Variants in LTBP3 observed in about 807,000 individuals in gnomAD.
LTBP3 encodes the protein latent transforming growth factor beta binding protein 3, also known as latent-transforming growth factor beta-binding protein 3.
A neutral mutation model predicts 159.7 loss-of-function variants in LTBP3; 97 were observed. The ratio of observed to expected loss-of-function variants is 0.61; its 90% CI spans 0.52 to 0.72. The LOEUF (loss-of-function observed/expected upper bound fraction) is 0.72. Ranked by LOEUF, LTBP3 falls within the 30% of genes least tolerant of loss-of-function variation. LTBP3 has a pLI of 0.00. For missense variants in LTBP3, 1,584 were observed against 1,864.3 expected (o/e 0.85, Z 2.77); for synonymous variants, 824 against 777.1 (o/e 1.06, Z -1.00).
In LTBP3 at chr11:65,553,617, C is replaced by T; in HGVS notation, c.864+84G>A. ...TTGGGCCTTTTCCTCTTCCCCCGCC[C>T]CTCAGTTTTCTGCTATCCGAGTGAG... is the stretch of plus-strand genomic sequence containing the variant. On this transcript the variant is annotated intron_variant, in intron 3 of 27. Transcript: ENST00000301873. The surrounding 1 kb of genome is among the most constrained non-coding windows in gnomAD (Gnocchi z 6.5). The T allele has an allele frequency of 6.6e-7, 1 of 1,513,850 alleles. No homozygotes were observed. The highest frequency in any genetic ancestry group is 9.0e-7 in the Non-Finnish European group (1 of 1,115,080). The allele number at this position is 1,513,850 out of a possible 1,614,324, so 93.8% of individuals were successfully genotyped here. A position where few individuals can be genotyped will look rare whatever the true frequency, so the allele number is the denominator to read the frequency against.
Position 65,552,050 on chromosome 11 carries a change from C to G in LTBP3, c.1453G>C (p.Asp485His). The G allele has an allele frequency of 6.2e-7, 1 of 1,614,046 alleles. No individual in the cohort carries two copies. The highest frequency in any genetic ancestry group is 8.5e-7 in the Non-Finnish European group (1 of 1,180,000). Residue 485 changes from aspartate (D) to histidine (H), a missense_variant, in exon 8 of 28, where the codon GAC becomes CAC. By Grantham distance (81) the Asp-to-His change is moderately conservative. Coordinates refer to ENST00000301873, the MANE Select transcript of LTBP3 (RefSeq NM_001130144.3). This position sits in a 1 kb window ranked among gnomAD's most constrained non-coding sequence, Gnocchi z 6.0. Reference sequence around the variant, plus strand: ...AGCTGCTGGGGCTTGGGTGGCCCGTCAGGGTGCAGGAAAAGGGAAAAGTCA... The same window carrying G: ...AGCTGCTGGGGCTTGGGTGGCCCGTGAGGGTGCAGGAAAAGGGAAAAGTCA... ...ESDFSLFLHP[D>H]GPPKPQQLPE... is the part of the protein sequence containing the mutation.
rs142851919 is a variant in LTBP3, at chr11:65,543,036, CCA to C, written c.2596+67_2596+68del. The C allele has an allele frequency of 7.2e-3, 11,572 of 1,602,200 alleles. 771 individuals are homozygous for C. The African/African-American group carries it at 0.13, about 19-fold the overall frequency. On this transcript the variant is annotated intron_variant, in intron 18 of 27. Transcript: ENST00000301873. ...GGGTGGATGGATGGATGGAGAAAGGCCACAGTGTGTCTAGGGAATTACTGCTC... is the reference window on the plus strand; with the variant it reads ...GGGTGGATGGATGGATGGAGAAAGGCCAGTGTGTCTAGGGAATTACTGCTC...
intron 16 of LTBP3, chr11:65,543,818 C>T (rs1164257133): frequency 7.8e-6 from 4 of 515,804 alleles, no homozygotes; most frequent in Non-Finnish European, 1.4e-5. Context: ...CTGCTGCTCC[C>T]ACCCTTCCCT....
At chr11:65,545,630 C>T (rs1856331413) in intron 16 of LTBP3, 2 of 230,098 alleles carry the variant, frequency 8.7e-6, no homozygotes, top group Non-Finnish European at 1.7e-5. Flanking sequence ...CCATCCTGAG[C>T]CCACCACTCA....
Position 65,540,027 on chromosome 11 carries a change from G to T in LTBP3, c.3371C>A (p.Pro1124His). 6.6e-7 allele frequency: 1 copy of T among 1,511,878 alleles called. No individual in the cohort carries two copies. The highest frequency in any genetic ancestry group is 1.2e-5 in the South Asian group (1 of 81,542). The allele number at this position is 1,511,878 out of a possible 1,614,324, so 93.7% of individuals were successfully genotyped here. The change falls in exon 24 of 28, where the codon CCC becomes CAC. Residue 1124 changes from proline (P) to histidine (H), a missense_variant. By Grantham distance (77) the Pro-to-His change is moderately conservative. Around this residue, in one of 6 missense-constraint regions of LTBP3, gnomAD observed 514 missense variants for 530.3 expected, o/e 0.97. Transcript: ENST00000301873. ...PGPSGRDCQL[P>H]ESPAERAPER... ...CTCGCCCTCACCGGCCGGGCTCTCG[G>T]GGAGCTGGCAATCGCGGCCGGAGGG...
chr11:65,553,724 G>C lies in LTBP3; in HGVS notation c.841C>G (p.Gln281Glu). Residue 281 changes from glutamine to glutamate, a missense_variant, in exon 3 of 28, where the codon CAG (glutamine) becomes GAG (glutamate). By Grantham distance (29) the Gln-to-Glu change is conservative. Transcript: ENST00000301873. The surrounding 1 kb of genome is among the most constrained non-coding windows in gnomAD (Gnocchi z 6.5). ...PTQKPLGRCFQDTLPKQPCGS... is the reference protein window; with the variant it reads ...PTQKPLGRCFEDTLPKQPCGS... ...ACCGGCTGCTTGGGCAGAGTGTCCT[G>C]AAAGCAGCGGCCCAGGGGCTTCTGG... The C allele has an allele frequency of 1.9e-6, 3 of 1,578,920 alleles. No homozygotes were observed. Among genetic ancestry groups the C allele is most frequent in the Non-Finnish European group, 2.6e-6 (3 of 1,170,240 alleles).
Position 65,551,845 on chromosome 11 carries a change from G to A in LTBP3, c.1531+127C>T, listed in dbSNP as rs1856624443. 1.6e-5 allele frequency: 18 copies of A among 1,155,496 alleles called. No individual in the cohort carries two copies. In the South Asian group the frequency reaches 2.2e-4, roughly 14 times the overall value. 71.6% of individuals were successfully genotyped at this position (1,155,496 alleles called of 1,614,324 possible). On this transcript the variant is annotated intron_variant, in intron 8 of 27. Coordinates refer to ENST00000301873, the MANE Select transcript of LTBP3 (RefSeq NM_001130144.3). ...CAGGGGTCAGAGGGTCAGGTGGGAG[G>A]TCAGTGGATGGGTCAGGGATAAGGA... is the stretch of plus-strand genomic sequence containing the variant.
At chr11:65,551,909 G>T in intron 8 of LTBP3, 63 bp downstream of exon 8, 2 of 1,549,822 alleles carry the variant, frequency 1.3e-6, no homozygotes, top group Non-Finnish European at 1.8e-6. Flanking sequence ...TGTGGATCAC[G>T]GGTCAAGGGG....
In LTBP3 at chr11:65,548,028, G is replaced by A; in HGVS notation, c.1738C>T (p.Leu580=). The change falls in exon 12 of 28, where the codon CTG becomes TTG. Residue 580 remains leucine, a synonymous_variant. Coordinates refer to ENST00000301873, the MANE Select transcript of LTBP3 (RefSeq NM_001130144.3). ...CCGTGGCCACAGATGTTCTGGTTCAGTCGGCACTCATCAGTCTCTGCGGGC... is the reference window on the plus strand; with the variant it reads ...CCGTGGCCACAGATGTTCTGGTTCAATCGGCACTCATCAGTCTCTGCGGGC... ...TQVTETDECR[L]NQNICGHGEC... 1 of 1,613,910 alleles carries A rather than the reference G, an allele frequency of 6.2e-7. No homozygotes were observed. The highest frequency in any genetic ancestry group is 1.3e-5 in the African/African-American group (1 of 74,994).
chr11:65,551,139 G>T lies in LTBP3; in HGVS notation c.1707C>A (p.Pro569=). The change falls in exon 11 of 28, where the codon CCC becomes CCA. Residue 569 remains proline (P), a synonymous_variant. Transcript: ENST00000301873. ...PPSRSAVEIA[P]TQVTETDECR... ...GGCGGGCCTTACCTGTGACCTGAGTGGGAGCGATCTCTACGGCGCTGCGGG... is the reference window on the plus strand; with the variant it reads ...GGCGGGCCTTACCTGTGACCTGAGTTGGAGCGATCTCTACGGCGCTGCGGG... 1 of 1,553,636 alleles carries T rather than the reference G, an allele frequency of 6.4e-7. No homozygotes were observed.
chr11:65,540,717 A>AGGAGGGGCGGGGCCTACC, intron 21 of LTBP3, 103 bp from the exon 22 acceptor site: 5 of 1,460,198 alleles, frequency 3.4e-6, no homozygotes, highest in Non-Finnish European at 3.8e-6. Context: ...CGGGGCCTAC[A>AGGAGGGGCGGGGCCTACC]GGAGGGGCGG....
At position 65,541,121 on chromosome 11, in the gene LTBP3, C is replaced by T; in HGVS notation, c.2893+5G>A. The T allele has an allele frequency of 6.2e-7, 1 of 1,612,324 alleles. No homozygotes were observed. The highest frequency in any genetic ancestry group is 8.5e-7 in the Non-Finnish European group (1 of 1,179,572). On this transcript the variant is annotated splice_donor_5th_base_variant and intron_variant, in intron 20 of 27. Transcript: ENST00000301873. ...ATCTGGGAAGGGGCCTGCCCGGCTC[C>T]TGACCTGAGCTGTAGACTGGGCAGG...
Position 65,546,495 on chromosome 11 carries a change from C to T in LTBP3, c.2300G>A (p.Arg767His). ...CGCGTAGCCCTGGGCACAGGTGCAGCGGAAGGAGCCCGGGAGGTTCTCGCA... is the reference window on the plus strand; with the variant it reads ...CGCGTAGCCCTGGGCACAGGTGCAGTGGAAGGAGCCCGGGAGGTTCTCGCA... ...GWCENLPGSF[R>H]CTCAQGYAPA... Residue 767 changes from arginine (R) to histidine (H), a missense_variant, in exon 16 of 28, where the codon CGC becomes CAC. Arg to His is a conservative substitution (Grantham distance 29). Coordinates refer to ENST00000301873, the MANE Select transcript of LTBP3 (RefSeq NM_001130144.3). The surrounding 1 kb of genome is among the most constrained non-coding windows in gnomAD (Gnocchi z 4.0). 4 of 1,597,276 alleles carry T rather than the reference C, an allele frequency of 2.5e-6. No homozygotes were observed. The highest frequency in any genetic ancestry group is 2.2e-5 in the East Asian group (1 of 44,720).
At position 65,552,509 on chromosome 11, in the gene LTBP3, G is replaced by T; in HGVS notation, c.1187-103C>A. ...TGCCTCTCCGGCCCAGACAACCCTT[G>T]ATCCCCCATGTGGTCTCTGACCCCA... is the stretch of plus-strand genomic sequence containing the variant. On this transcript the variant is annotated intron_variant, in intron 6 of 27. Transcript: ENST00000301873. This position sits in a 1 kb window ranked among gnomAD's most constrained non-coding sequence, Gnocchi z 6.0. 1.4e-6 allele frequency: 2 copies of T among 1,431,708 alleles called. No homozygotes were observed. The highest frequency in any genetic ancestry group is 1.9e-6 in the Non-Finnish European group (2 of 1,043,896). 88.7% of individuals were successfully genotyped at this position (1,431,708 alleles called of 1,614,324 possible). A position where few individuals can be genotyped will look rare whatever the true frequency, so the allele number is the denominator to read the frequency against.
chr11:65,557,885 C>T lies in LTBP3; in HGVS notation c.75G>A (p.Ala25=), dbSNP rs1856865847. 7.7e-7 allele frequency: 1 copy of T among 1,303,372 alleles called. No individual in the cohort carries two copies. The highest frequency in any genetic ancestry group is 9.8e-7 in the Non-Finnish European group (1 of 1,016,440). 80.7% of individuals were successfully genotyped at this position (1,303,372 alleles called of 1,614,324 possible). Residue 25 remains alanine, a synonymous_variant, in exon 1 of 28, where the codon GCG becomes GCA. Transcript: ENST00000301873. The part of the protein sequence containing the change: ...MRGAGAAGLL[A]LLLLLLLLLL... ...GCAGCAGCAGCAGCAGCAGCAGCAG[C>T]GCCAGCAGCCCCGCCGCCCCCGCCC... is the stretch of plus-strand genomic sequence containing the variant.
chr11:65,546,957 G>A lies in LTBP3; in HGVS notation c.2108-37C>T, dbSNP rs776095641. ...GGAGAAGGAAGAGGACCCATCTGGGGACAACGCGGGTGGCCCGGCTCCCAG... is the reference window on the plus strand; with the variant it reads ...GGAGAAGGAAGAGGACCCATCTGGGAACAACGCGGGTGGCCCGGCTCCCAG... On this transcript the variant is annotated intron_variant, in intron 14 of 27. Coordinates refer to ENST00000301873, the MANE Select transcript of LTBP3 (RefSeq NM_001130144.3). This position sits in a 1 kb window ranked among gnomAD's most constrained non-coding sequence, Gnocchi z 4.0. 1.9e-6 allele frequency: 3 copies of A among 1,606,212 alleles called. No individual in the cohort carries two copies. The highest frequency in any genetic ancestry group is 2.2e-5 in the East Asian group (1 of 44,864).
At chr11:65,541,500 T>C (rs1056968335) in intron 19 of LTBP3, 100 bp downstream of exon 19, 5 of 1,585,100 alleles carry the variant, frequency 3.2e-6, no homozygotes, top group Non-Finnish European at 4.3e-6. Flanking sequence ...TTCTTCCGGT[T>C]CCCCAAATTT....
At position 65,553,994 on chromosome 11, in the gene LTBP3, G is replaced by A; in HGVS notation, c.661+57C>T. ...TCCAGGGCTGAACCTGCCCTGCCCT[G>A]GCCACCCTAGTGCCCACCCACTGGC... is the stretch of plus-strand genomic sequence containing the variant. On this transcript the variant is annotated intron_variant, in intron 2 of 27. Coordinates refer to ENST00000301873, the MANE Select transcript of LTBP3 (RefSeq NM_001130144.3). The surrounding 1 kb of genome is among the most constrained non-coding windows in gnomAD (Gnocchi z 6.5). 3.2e-6 allele frequency: 5 copies of A among 1,586,288 alleles called. No homozygotes were observed. Among genetic ancestry groups the A allele is most frequent in the Non-Finnish European group, 4.3e-6 (5 of 1,169,858 alleles).
intron 11 of LTBP3, among the ~76,000 whole-genome samples, chr11:65,549,567 C>CTTTTTTTTTTTTTTTTTTTTTTTT (rs748132211): frequency 1.5e-5 from 1 of 64,744 alleles, no homozygotes; most frequent in Non-Finnish European, 2.6e-5. Flanking sequence ...CCCAGCTAAT[C>CTTTTTTTTTTTTTTTTTTTTTTTT]TTTTTTTTTT....
Sources: allele counts gnomAD v4.1 joint callset (sites outside exome capture counted in the v4.1 genomes callset), GRCh38; gene constraint gnomAD v4.1.1; regional missense constraint gnomAD v4.1.1; non-coding constraint Gnocchi (gnomAD v3.1); transcripts MANE v1.5; gene names NCBI Gene and HGNC (gene_info 2026-07-23, HGNC 2026-07-21).